KYAT1: variants seen among roughly 807,000 people sequenced by gnomAD.
The protein encoded by KYAT1 is kynurenine--oxoglutarate transaminase 1.
Under a neutral mutation model 52.4 loss-of-function variants are expected in KYAT1, and 47 were observed. The observed-to-expected ratio is 0.90, with a 90% CI of 0.71 to 1.14. The LOEUF (loss-of-function observed/expected upper bound fraction) is 1.14. Ranked by LOEUF, KYAT1 falls within the 50% of genes most tolerant of loss-of-function variation. The pLI, the probability that KYAT1 is intolerant of heterozygous loss-of-function variation, is 0.00. For synonymous variants in KYAT1, 212 were observed against 209.6 expected (o/e 1.01, Z -0.10); for missense variants, 480 against 557.9 (o/e 0.86, Z 1.41).
chr9:128,862,624 C>T (rs1389677487), intron 1 of KYAT1, among the ~76,000 whole-genome samples: 1 of 152,232 alleles, frequency 6.6e-6, no homozygotes, highest in Non-Finnish European at 1.5e-5. Context: ...AAGGCGGTGC[C>T]TTCTGTGTGT....
At chr9:128,877,365 G>A (rs1838193444) in intron 1 of KYAT1, among the ~76,000 whole-genome samples, 1 of 152,088 alleles carries the variant, frequency 6.6e-6, no homozygotes, top group African/African-American at 2.4e-5. Flanking sequence ...GCACCTACCT[G>A]TGCCTGACCC....
chr9:128,868,131 G>A (rs554911776), intron 1 of KYAT1, among the ~76,000 whole-genome samples: 98 of 151,932 alleles, frequency 6.5e-4, no homozygotes, highest in African/African-American at 2.3e-3. Flanking sequence ...ATAGACCCAT[G>A]GAATAAAATT....
chr9:128,870,830 G>A (rs779197981), intron 1 of KYAT1, among the ~76,000 whole-genome samples: 48 of 151,800 alleles, frequency 3.2e-4, no homozygotes, highest in African/African-American at 1.2e-3. Flanking sequence ...CTAAGGGAAC[G>A]ATAAAGTTTT....
chr9:128,857,115 A>G (rs922901762), intron 1 of KYAT1, among the ~76,000 whole-genome samples: 14 of 152,220 alleles, frequency 9.2e-5, no homozygotes, highest in East Asian at 1.9e-4. Flanking sequence ...TTGGGCGGGG[A>G]GAAACATAAA....
intron 1 of KYAT1, chr9:128,860,484 C>G (rs1312990124): frequency 6.6e-6 from 1 of 152,082 alleles, no homozygotes; most frequent in Admixed American, 6.6e-5. Context: ...TTCTGCCTCT[C>G]CAGTTTGGGG....
chr9:128,863,545 C>G (rs906556291), intron 1 of KYAT1, among the ~76,000 whole-genome samples: 1 of 131,424 alleles, frequency 7.6e-6, no homozygotes, highest in Non-Finnish European at 1.6e-5. Flanking sequence ...ATCTCTGTGT[C>G]TGTGTCTGTG....
At chr9:128,836,198 A>C in intron 7 of KYAT1, 125 bp from the exon 8 acceptor site, 1 of 629,368 alleles carries the variant, frequency 1.6e-6, no homozygotes, top group South Asian at 2.6e-5. Context: ...ATACTAAGTT[A>C]TTTGCACAAT....
intron 1 of KYAT1, among the ~76,000 whole-genome samples, chr9:128,852,141 A>T (rs1275894027): frequency 6.6e-6 from 1 of 152,174 alleles, no homozygotes; most frequent in Non-Finnish European, 1.5e-5. Context: ...GACATGTTTC[A>T]CCCACTTTCT....
intron 1 of KYAT1, among the ~76,000 whole-genome samples, chr9:128,850,948 G>T (rs1833879608): frequency 6.6e-6 from 1 of 152,132 alleles, no homozygotes; most frequent in Non-Finnish European, 1.5e-5. Context: ...ACCTCCCCTT[G>T]AACTTAATTA....
chr9:128,847,794 A>G (rs1833354080), intron 1 of KYAT1, among the ~76,000 whole-genome samples: 1 of 152,196 alleles, frequency 6.6e-6, no homozygotes, highest in Non-Finnish European at 1.5e-5. Flanking sequence ...CAGCAACCCA[A>G]GTGACCCTTT....
At chr9:128,867,096 G>C (rs1053521571) in intron 1 of KYAT1, among the ~76,000 whole-genome samples, 1 of 152,190 alleles carries the variant, frequency 6.6e-6, no homozygotes, top group Non-Finnish European at 1.5e-5. Context: ...ACTAGGTTAA[G>C]AGTGTTCACT....
intron 1 of KYAT1, among the ~76,000 whole-genome samples, chr9:128,871,420 TGGTGGCTCACACCTGGAAA>T (rs1337460714): frequency 2.0e-5 from 3 of 152,116 alleles, no homozygotes; most frequent in East Asian, 1.9e-4. Flanking sequence ...AAGCTGGATG[TGGTGGCTCACACCTGGAAA>T]GGTGGCTCAC....
chr9:128,847,424 G>T, intron 1 of KYAT1: 3 of 1,529,004 alleles, frequency 2.0e-6, no homozygotes, highest in Non-Finnish European at 2.6e-6. Flanking sequence ...TTGGGGTTAG[G>T]GCACTTACAG....
chr9:128,833,924 G>C, intron 11 of KYAT1, 98 bp from the exon 12 acceptor site: 1 of 897,208 alleles, frequency 1.1e-6, no homozygotes, highest in Non-Finnish European at 1.8e-6. Flanking sequence ...GGCGGGGAAG[G>C]AGAGTTAGCT....
At chr9:128,882,261 G>C (rs1312343958), upstream of KYAT1, 1 of 152,664 alleles carries the variant, frequency 6.6e-6, no homozygotes, top group African/African-American at 2.4e-5. Context: ...GTGAGTGGAC[G>C]GGGTGGGGAA....
At chr9:128,840,773 C>T in intron 3 of KYAT1, 1 of 333,634 alleles carries the variant, frequency 3.0e-6, no homozygotes, top group Non-Finnish European at 6.0e-6. Flanking sequence ...TTGCACTGGC[C>T]TCAAACTCCT....
chr9:128,864,089 G>A (rs1327358766), intron 1 of KYAT1, among the ~76,000 whole-genome samples: 3 of 151,786 alleles, frequency 2.0e-5, no homozygotes, highest in Admixed American at 6.6e-5. Flanking sequence ...CAGGCCGGGC[G>A]CGGTGGCTCA....
At chr9:128,852,870 GC>G (rs1202485156) in intron 1 of KYAT1, among the ~76,000 whole-genome samples, 1 of 152,170 alleles carries the variant, frequency 6.6e-6, no homozygotes, top group Non-Finnish European at 1.5e-5. Flanking sequence ...AACTCCAGAA[GC>G]AACTAAAGAA....
rs528860468 is a variant in KYAT1 at position 128,839,639 on chromosome 9, C to CAAACA, written c.202-1277_202-1273dup. ...GACTCCGTCTCAAAAAAAACAAAAA[C>CAAACA]AAACAAAACAAAACAAAAATACTCA... On this transcript the variant is annotated intron_variant, in intron 3 of 12. Coordinates refer to ENST00000302586, the MANE Select transcript of KYAT1 (RefSeq NM_004059.5). 2.6e-4 allele frequency among the ~76,000 whole-genome samples: 39 copies of CAAACA among 152,212 alleles called. No individual in the cohort carries two copies. In the South Asian group the frequency reaches 7.9e-3, roughly 31 times the overall value.
Sources: gnomAD v4.1 joint callset for allele counts (sites outside exome capture counted in the v4.1 genomes callset) on GRCh38, gnomAD v4.1.1 for gene constraint, MANE v1.5 for transcripts, NCBI Gene and HGNC (gene_info 2026-07-23, HGNC 2026-07-21) for gene names.